The following TMTC4 variants were observed in gnomAD, a reference collection of about 807,000 sequenced individuals.
The protein encoded by TMTC4 is transmembrane O-mannosyltransferase targeting cadherins 4.
Under a neutral mutation model 86.0 loss-of-function variants are expected in TMTC4, and 65 were observed. The ratio of observed to expected loss-of-function variants is 0.76; its 90% CI spans 0.62 to 0.93. The LOEUF is 0.93. Ranked by LOEUF, TMTC4 falls within the 40% of genes least tolerant of loss-of-function variation. The probability of loss-of-function intolerance (pLI) is 0.00; values close to 1 mark genes in which losing one functional copy is unlikely to be tolerated. For synonymous variants in TMTC4, 379 were observed against 382.5 expected, an observed-to-expected ratio of 0.99 and a Z score of 0.11; for missense variants, 866 against 948.1, an observed-to-expected ratio of 0.91 and a Z score of 1.14.
chr13:100,636,872 G>A lies in TMTC4; in HGVS notation c.1000-138C>T, dbSNP rs3803257. The stretch of plus-strand genomic sequence containing the variant: ...TTGTATCAAATAAAATGTTGCCAAC[G>A]TGTATTGGGTATGTGACTATAGTCT... On this transcript the variant is annotated intron_variant, in intron 9 of 18. Transcript: ENST00000342624. The A allele has an allele frequency of 1.8e-3, 1,460 of 822,218 alleles. 29 individuals are homozygous for A. The East Asian group carries it at 0.034, about 19-fold the overall frequency. The allele number at this position is 822,218 out of a possible 1,614,324, so 50.9% of individuals were successfully genotyped here. A position where few individuals can be genotyped will look rare whatever the true frequency, so the allele number is the denominator to read the frequency against.
chr13:100,617,150 G>A (rs1391228985), intron 15 of TMTC4, among the ~76,000 whole-genome samples: 1 of 151,806 alleles, frequency 6.6e-6, no homozygotes, highest in African/African-American at 2.4e-5. Flanking sequence ...TAAAGACAGG[G>A]TCTTATTCTG....
intron 9 of TMTC4, among the ~76,000 whole-genome samples, chr13:100,636,952 A>G (rs547492748): frequency 1.5e-4 from 23 of 152,348 alleles, no homozygotes; most frequent in Admixed American, 7.8e-4. Flanking sequence ...TGGCAAAGCC[A>G]TCAGACTATG....
Position 100,642,307 on chromosome 13 carries a change from G to A in TMTC4, c.645C>T (p.Asn215=), listed in dbSNP as rs745474753. The change falls in exon 7 of 19, where the codon AAC becomes AAT. Residue 215 remains asparagine, a synonymous_variant. Coordinates refer to ENST00000342624, the MANE Select transcript of TMTC4 (RefSeq NM_032813.5). The part of the protein sequence containing the change: ...LGYCKAFRES[N]KEGAHSSTFW... ...AGGTGGAAGAATGCGCTCCCTCCTT[G>A]TTACCTGCCAATTAAGAGAAATGAT... The A allele has an allele frequency of 6.2e-7, 1 of 1,614,184 alleles. No individual in the cohort carries two copies. Among genetic ancestry groups the A allele is most frequent in the Non-Finnish European group, 8.5e-7 (1 of 1,180,030 alleles).
At chr13:100,669,326 G>A (rs1035184429) in intron 2 of TMTC4, among the ~76,000 whole-genome samples, 1 of 152,108 alleles carries the variant, frequency 6.6e-6, no homozygotes, top group African/African-American at 2.4e-5. Flanking sequence ...ACAGAGACAG[G>A]GGAGTCGAAC....
At chr13:100,648,501 G>C (rs912451300) in intron 6 of TMTC4, among the ~76,000 whole-genome samples, 4 of 152,010 alleles carry the variant, frequency 2.6e-5, no homozygotes, top group Non-Finnish European at 4.4e-5. Flanking sequence ...GTGGTATTTC[G>C]ATTGCATGGC....
intron 6 of TMTC4, among the ~76,000 whole-genome samples, chr13:100,653,737 C>T (rs568145067): frequency 2.9e-4 from 44 of 152,202 alleles, no homozygotes; most frequent in African/African-American, 1.0e-3. Context: ...AACTGCAGCT[C>T]GAGGATGGGT....
intron 6 of TMTC4, among the ~76,000 whole-genome samples, chr13:100,643,526 G>A (rs1443371144): frequency 6.6e-6 from 1 of 152,214 alleles, no homozygotes; most frequent in East Asian, 1.9e-4. Flanking sequence ...GCTTGCAAAT[G>A]CAAAATATAT....
Position 100,604,954 on chromosome 13 carries a change from G to A in TMTC4, c.*40C>T. On this transcript the variant is annotated 3_prime_UTR_variant, in exon 19 of 19. Coordinates refer to ENST00000342624, the MANE Select transcript of TMTC4 (RefSeq NM_032813.5). ...ACATACTATTAATGATATGCCTCAT[G>A]CACACACACACTCAAACTCAAAACA... The A allele has an allele frequency of 3.8e-6, 6 of 1,591,022 alleles. No homozygotes were observed. Among genetic ancestry groups the A allele is most frequent in the South Asian group, 3.4e-5 (3 of 87,480 alleles).
intron 1 of TMTC4, chr13:100,674,494 C>CAGGT: frequency 1.3e-6 from 1 of 751,810 alleles, no homozygotes; most frequent in Non-Finnish European, 1.6e-6. Context: ...GCGCGGCGGG[C>CAGGT]GGGGCGCGCA....
intron 6 of TMTC4, among the ~76,000 whole-genome samples, chr13:100,651,946 A>G (rs1884505225): frequency 6.6e-6 from 1 of 152,188 alleles, no homozygotes; most frequent in South Asian, 2.1e-4. Context: ...ATTTATAGAC[A>G]TGGGCACTTG....
chr13:100,630,027 A>ATGTGTGTGTGTGTG (rs71121125), intron 12 of TMTC4, among the ~76,000 whole-genome samples: 5 of 46,106 alleles, frequency 1.1e-4, no homozygotes, highest in South Asian at 7.8e-4. Context: ...ATCTGTGTGT[A>ATGTGTGTGTGTGTG]TGTGTGTGTG....
intron 6 of TMTC4, among the ~76,000 whole-genome samples, chr13:100,645,901 G>A (rs1437483267): frequency 6.6e-6 from 1 of 152,098 alleles, no homozygotes; most frequent in Non-Finnish European, 1.5e-5. Context: ...CTCATCAGAG[G>A]CCAGTAGCAC....
At chr13:100,606,676 T>A (rs1594215130) in intron 17 of TMTC4, among the ~76,000 whole-genome samples, 1 of 152,314 alleles carries the variant, frequency 6.6e-6, no homozygotes, top group South Asian at 2.1e-4. Context: ...CCTGCCTCCC[T>A]GCAGTGGTTG....
chr13:100,621,273 G>A (rs903422499), intron 15 of TMTC4, among the ~76,000 whole-genome samples: 3 of 152,096 alleles, frequency 2.0e-5, no homozygotes, highest in Non-Finnish European at 4.4e-5. Flanking sequence ...CTGCAGTGAC[G>A]GGCAGCTACT....
In TMTC4 at chr13:100,614,445, C is replaced by A. The variant is rs1490611911; in HGVS notation, c.1837-15G>T. The A allele has an allele frequency of 1.3e-6, 2 of 1,572,610 alleles. No homozygotes were observed. The highest frequency in any genetic ancestry group is 1.7e-4 in the Middle Eastern group (1 of 5,994). ...AGATCTGCATACTGAAAATAAAACA[C>A]ACCAAAAAATCAGTATTCCAAGTTT... On this transcript the variant is annotated splice_polypyrimidine_tract_variant and intron_variant, in intron 15 of 18. Coordinates refer to ENST00000342624, the MANE Select transcript of TMTC4 (RefSeq NM_032813.5).
intron 1 of TMTC4, among the ~76,000 whole-genome samples, chr13:100,671,674 T>A (rs564068766): frequency 7.9e-5 from 12 of 152,198 alleles, no homozygotes; most frequent in Non-Finnish European, 1.6e-4. Flanking sequence ...TGCCCCTACA[T>A]CATTTCCCAG....
At chr13:100,619,328 GACACACACACACACAC>G (rs34662519) in intron 15 of TMTC4, among the ~76,000 whole-genome samples, 1,594 of 146,010 alleles carry the variant, frequency 0.011, 28 homozygotes, top group African/African-American at 0.037. Flanking sequence ...AATAAAAGCA[GACACACACACACACAC>G]ACACACACAC....
chr13:100,671,630 G>C (rs1887116949), intron 1 of TMTC4, among the ~76,000 whole-genome samples: 1 of 152,216 alleles, frequency 6.6e-6, no homozygotes, highest in Non-Finnish European at 1.5e-5. Context: ...CTCTTGCAGG[G>C]ACAGCAGGAA....
At chr13:100,636,832 G>T in intron 9 of TMTC4, 98 bp from the exon 10 acceptor site, 1 of 1,250,360 alleles carries the variant, frequency 8.0e-7, no homozygotes. Flanking sequence ...ATATGCTTCT[G>T]CTCAATGAAA....
Sources: allele counts gnomAD v4.1 joint callset (sites outside exome capture counted in the v4.1 genomes callset), GRCh38; gene constraint gnomAD v4.1.1; transcripts MANE v1.5; gene names NCBI Gene and HGNC (gene_info 2026-07-23, HGNC 2026-07-21).